Variants in NOC3L observed in about 807,000 individuals in gnomAD.
NOC3L encodes nucleolar complex protein 3 homolog.
NOC3L carries 85 observed loss-of-function variants against 102.5 expected under a neutral mutation model. The observed-to-expected ratio is 0.83, with a 90% CI of 0.70 to 0.99. NOC3L has a LOEUF of 0.99. NOC3L is among the 50% of genes least tolerant of loss of function. NOC3L has a pLI of 0.00. For missense variants in NOC3L, 878 were observed against 914.9 expected (o/e 0.96, Z 0.52); for synonymous variants, 303 against 309.4 (o/e 0.98, Z 0.22).
intron 10 of NOC3L, 128 bp downstream of exon 10, chr10:94,349,121 AT>A (rs2054383592): frequency 3.2e-6 from 3 of 952,294 alleles, no homozygotes; most frequent in Non-Finnish European, 4.5e-6. Flanking sequence ...AGGAGTTGAC[AT>A]GTTAAACACT....
At chr10:94,329,798 A>AC (rs1193660201), downstream of NOC3L, 1 of 150,486 alleles carries the variant, frequency 6.6e-6, no homozygotes, top group East Asian at 1.9e-4. Flanking sequence ...AAAAAAAAAA[A>AC]AAAAAAAAAA....
intron 2 of NOC3L, 191 bp downstream of exon 2, chr10:94,361,473 TG>T: frequency 1.7e-6 from 1 of 579,066 alleles, no homozygotes; most frequent in Non-Finnish European, 3.0e-6. Flanking sequence ...AATACTGTAT[TG>T]AAATGTTTTC....
chr10:94,353,110 A>T lies in NOC3L; in HGVS notation c.697-53T>A. On this transcript the variant is annotated intron_variant, in intron 6 of 20. Transcript: ENST00000371361. ...GAGAAATCATGACGAAACAATTATG[A>T]ACAAAAGACAACAGCCCCACATCCG... 15 of 1,410,088 alleles carry T rather than the reference A, an allele frequency of 1.1e-5. No individual in the cohort carries two copies. In the South Asian group the frequency reaches 1.8e-4, roughly 16 times the overall value. 87.3% of individuals were successfully genotyped at this position (1,410,088 alleles called of 1,614,324 possible).
At chr10:94,357,868 T>C in intron 3 of NOC3L, 1 of 521,890 alleles carries the variant, frequency 1.9e-6, no homozygotes, top group Admixed American at 3.5e-5. Flanking sequence ...TTCACTCTAC[T>C]TGACTATTCA....
chr10:94,353,255 G>A (rs1040099297), intron 6 of NOC3L, among the ~76,000 whole-genome samples, 198 bp from the exon 7 acceptor site: 22 of 152,172 alleles, frequency 1.4e-4, no homozygotes, highest in South Asian at 1.0e-3. Flanking sequence ...GTATTAGTCC[G>A]TTCTTGTATT....
intron 8 of NOC3L, among the ~76,000 whole-genome samples, chr10:94,350,987 TATATA>T (rs1385383180): frequency 8.9e-4 from 135 of 152,184 alleles, no homozygotes; most frequent in South Asian, 3.9e-3. Flanking sequence ...AATCTGAATA[TATATA>T]ATATACTATT....
In NOC3L at chr10:94,339,833, G is replaced by A. The variant is rs768689679; in HGVS notation, c.1868C>T (p.Ala623Val). The A allele has an allele frequency of 6.2e-7, 1 of 1,614,184 alleles. No homozygotes were observed. The highest frequency in any genetic ancestry group is 8.5e-7 in the Non-Finnish European group (1 of 1,180,016). The change falls in exon 17 of 21, where the codon GCT becomes GTT. Residue 623 changes from alanine (A) to valine (V), a missense_variant. Physicochemically the swap from Ala to Val is moderately conservative, Grantham distance 64. Transcript: ENST00000371361. ...ACAAAGGCGTTTGATGAAGGCAAGA[G>A]CTCGCTGCTGAGAAACTTGCTTTCT... Reference protein sequence around the residue: ...KRRKQVSQQRALAFIKRLCTL... With the variant: ...KRRKQVSQQRVLAFIKRLCTL...
intron 20 of NOC3L, 31 bp from the exon 21 acceptor site, chr10:94,334,336 G>C (rs763532610): frequency 6.9e-7 from 1 of 1,440,554 alleles, no homozygotes; most frequent in Non-Finnish European, 9.7e-7. Flanking sequence ...TGAGTTAGAA[G>C]TTACTTATGC....
At chr10:94,323,122 C>T in the NOC3L span, among the ~76,000 whole-genome samples, 1 of 152,106 alleles carries the variant, frequency 6.6e-6, no homozygotes, top group African/African-American at 2.4e-5. Flanking sequence ...AATACCTAAG[C>T]CAGTAGGTAC....
At position 94,349,389 on chromosome 10, in the gene NOC3L, A is replaced by C. The variant is rs1205887989; in HGVS notation, c.1129-11T>G. The C allele has an allele frequency of 6.4e-7, 1 of 1,571,482 alleles. No individual in the cohort carries two copies. Among genetic ancestry groups the C allele is most frequent in the Non-Finnish European group, 8.6e-7 (1 of 1,168,042 alleles). ...ACACATTTCAGATATCTGAAAAATA[A>C]AATGTCATACTTAACCAGTGTTTCT... On this transcript the variant is annotated splice_polypyrimidine_tract_variant and intron_variant, in intron 9 of 20. Coordinates refer to ENST00000371361, the MANE Select transcript of NOC3L (RefSeq NM_022451.11).
chr10:94,350,291 A>C lies in NOC3L; in HGVS notation c.953-3T>G. ...CTTCAGCTTCCTCTGCTTCCAATCT[A>C]ATCAAAAGATAACTGTAGTTACTTT... On this transcript the variant is annotated splice_polypyrimidine_tract_variant and splice_region_variant and intron_variant, in intron 8 of 20. Transcript: ENST00000371361. The C allele has an allele frequency of 6.2e-7, 1 of 1,613,484 alleles. No homozygotes were observed. Among genetic ancestry groups the C allele is most frequent in the Non-Finnish European group, 8.5e-7 (1 of 1,179,506 alleles).
At chr10:94,354,814 T>C (rs2054463556) in intron 6 of NOC3L, 149 bp downstream of exon 6, 1 of 656,550 alleles carries the variant, frequency 1.5e-6, no homozygotes, top group African/African-American at 1.8e-5. Flanking sequence ...AAGCTAAGAT[T>C]CTGTCTACTC....
chr10:94,343,942 A>G (rs992031404), intron 13 of NOC3L, among the ~76,000 whole-genome samples: 1 of 152,220 alleles, frequency 6.6e-6, no homozygotes, highest in Non-Finnish European at 1.5e-5. Flanking sequence ...GAACGCTATC[A>G]TGACAACCAC....
chr10:94,346,566 GA>G lies in NOC3L; in HGVS notation c.1258-11del, dbSNP rs745503938. On this transcript the variant is annotated splice_polypyrimidine_tract_variant and intron_variant, in intron 10 of 20. Coordinates refer to ENST00000371361, the MANE Select transcript of NOC3L (RefSeq NM_022451.11). Reference sequence around the variant, plus strand: ...AAAATGTTTTTAACATCTAATATTGGAAAAAAAACACAAATATACAGCTTAA... The same window carrying G: ...AAAATGTTTTTAACATCTAATATTGGAAAAAAACACAAATATACAGCTTAA... The G allele has an allele frequency of 2.8e-5, 36 of 1,300,896 alleles. No homozygotes were observed. The highest frequency in any genetic ancestry group is 1.2e-4 in the East Asian group (4 of 34,602). 80.6% of individuals were successfully genotyped at this position (1,300,896 alleles called of 1,614,324 possible).
the NOC3L span, among the ~76,000 whole-genome samples, chr10:94,327,698 T>C: frequency 1.3e-5 from 2 of 152,366 alleles, no homozygotes; most frequent in East Asian, 3.9e-4. Flanking sequence ...CACCTTTTCT[T>C]AAAGTTGAAC....
At chr10:94,359,340 C>T (rs1279065385) in intron 2 of NOC3L, among the ~76,000 whole-genome samples, 1 of 152,052 alleles carries the variant, frequency 6.6e-6, no homozygotes, top group African/African-American at 2.4e-5. Context: ...GCAGGAGAAT[C>T]ACTTGAATCC....
chr10:94,350,716 CAAAAAAA>C (rs201167962), intron 8 of NOC3L, among the ~76,000 whole-genome samples: 1 of 62,626 alleles, frequency 1.6e-5, no homozygotes, highest in African/African-American at 5.3e-5. Context: ...GACATCGTCT[CAAAAAAA>C]AAAAAAAAAA....
the NOC3L span, chr10:94,321,794 A>C: frequency 1.5e-5 from 12 of 778,204 alleles, no homozygotes; most frequent in East Asian, 1.3e-4. Flanking sequence ...TATTAAGCTA[A>C]GAAGTTTCTA....
At chr10:94,356,368 T>C (rs1408351802) in intron 5 of NOC3L, among the ~76,000 whole-genome samples, 167 bp downstream of exon 5, 1 of 152,144 alleles carries the variant, frequency 6.6e-6, no homozygotes, top group African/African-American at 2.4e-5. Flanking sequence ...AATCTATTAA[T>C]AATTCCACAA....
Sources: allele counts gnomAD v4.1 joint callset (sites outside exome capture counted in the v4.1 genomes callset), GRCh38; gene constraint gnomAD v4.1.1; transcripts MANE v1.5; gene names NCBI Gene and HGNC (gene_info 2026-07-23, HGNC 2026-07-21).